The following NAE1 variants were observed in gnomAD, a reference collection of about 807,000 sequenced individuals.
The protein encoded by NAE1 is NEDD8 activating enzyme E1 subunit 1.
NAE1 carries 59 observed loss-of-function variants against 88.0 expected under a neutral mutation model. The ratio of observed to expected loss-of-function variants is 0.67; its 90% CI spans 0.54 to 0.83. The LOEUF (loss-of-function observed/expected upper bound fraction) is 0.83. Among genes scored for constraint, NAE1 ranks in the 40% least tolerant of loss-of-function variants. NAE1 has a pLI of 0.00. For missense variants in NAE1, 554 were observed against 632.8 expected, an observed-to-expected ratio of 0.88 and a Z score of 1.34; for synonymous variants, 186 against 208.9, an observed-to-expected ratio of 0.89 and a Z score of 0.95.
chr16:66,811,001 C>T (rs1346967414), intron 13 of NAE1, among the ~76,000 whole-genome samples: 1 of 152,160 alleles, frequency 6.6e-6, no homozygotes, highest in East Asian at 1.9e-4. Context: ...GTCCCTCTAA[C>T]AGCACCCAAC....
chr16:66,809,187 A>T (rs1016621588), intron 15 of NAE1, 112 bp from the exon 16 acceptor site: 1 of 649,092 alleles, frequency 1.5e-6, no homozygotes, highest in Non-Finnish European at 2.5e-6. Flanking sequence ...AGACATGAGA[A>T]TGTGAAGAAA....
In NAE1 at chr16:66,806,011, T is replaced by C; in HGVS notation, c.1346A>G (p.Gln449Arg). 6.2e-7 allele frequency: 1 copy of C among 1,610,252 alleles called. No homozygotes were observed. Among genetic ancestry groups the C allele is most frequent in the East Asian group, 2.2e-5 (1 of 44,784 alleles). The stretch of plus-strand genomic sequence containing the variant: ...CAACTTTCCTATATCTTCTTCAACT[T>C]GATAGTTAGATACTCCTAAAAATAA... ...QGRYPGVSNY[Q>R]VEEDIGKLKS... Residue 449 changes from glutamine (Q) to arginine (R), a missense_variant, in exon 18 of 20, where the codon CAA becomes CGA. Gln to Arg is a conservative substitution (Grantham distance 43). Coordinates refer to ENST00000290810, the MANE Select transcript of NAE1 (RefSeq NM_003905.4).
intron 17 of NAE1, 95 bp from the exon 18 acceptor site, chr16:66,806,121 A>G (rs1030364411): frequency 8.9e-6 from 12 of 1,355,462 alleles, no homozygotes; most frequent in Non-Finnish European, 1.1e-5. Flanking sequence ...TCTAGTCAAA[A>G]TATGTATGAA....
chr16:66,810,831 T>C lies in NAE1; in HGVS notation c.1035-59A>G, dbSNP rs552605906. On this transcript the variant is annotated intron_variant, in intron 13 of 19. Coordinates refer to ENST00000290810, the MANE Select transcript of NAE1 (RefSeq NM_003905.4). ...TTTTAAATTAGCAAAATTTAAATTG[T>C]TACCATGAACAAAAATTTTCTTTCC... The C allele has an allele frequency of 8.7e-6, 13 of 1,500,280 alleles. No individual in the cohort carries two copies. In the African/African-American group the frequency reaches 1.6e-4, roughly 19 times the overall value. 92.9% of individuals were successfully genotyped at this position (1,500,280 alleles called of 1,614,324 possible).
intron 7 of NAE1, among the ~76,000 whole-genome samples, chr16:66,818,865 T>C (rs2145336568): frequency 6.6e-6 from 1 of 152,196 alleles, no homozygotes; most frequent in South Asian, 2.1e-4. Flanking sequence ...GGTCTCACTA[T>C]GTCACCCAGG....
intron 11 of NAE1, 68 bp from the exon 12 acceptor site, chr16:66,813,914 T>C: frequency 1.4e-6 from 2 of 1,396,102 alleles, no homozygotes; most frequent in Non-Finnish European, 2.0e-6. Context: ...TTTTCAGTGC[T>C]ATTTCTTCAG....
chr16:66,829,044 T>C (rs3026089), intron 1 of NAE1, among the ~76,000 whole-genome samples: 10,361 of 151,472 alleles, frequency 0.068, 772 homozygotes, highest in African/African-American at 0.19. Flanking sequence ...GTTTCAAGAA[T>C]AGGCCAAATG....
At chr16:66,827,836 T>A in intron 1 of NAE1, 1 of 657,772 alleles carries the variant, frequency 1.5e-6, no homozygotes, top group Non-Finnish European at 2.6e-6. Context: ...CCAGAGCATG[T>A]CAAGCAACTG....
At chr16:66,809,860 G>A (rs1173925122) in intron 15 of NAE1, among the ~76,000 whole-genome samples, 2 of 152,104 alleles carry the variant, frequency 1.3e-5, no homozygotes, top group Non-Finnish European at 2.9e-5. Flanking sequence ...TGGGTATTTT[G>A]AAACTGACTC....
chr16:66,804,177 T>G (rs1311689199), intron 19 of NAE1, among the ~76,000 whole-genome samples: 2 of 150,274 alleles, frequency 1.3e-5, no homozygotes, highest in Non-Finnish European at 3.0e-5. Context: ...GAATAAAACC[T>G]GAAGGAAGTG....
At chr16:66,821,417 C>A (rs1408825666) in intron 7 of NAE1, 33 bp downstream of exon 7, 1 of 1,492,026 alleles carries the variant, frequency 6.7e-7, no homozygotes, top group Non-Finnish European at 8.9e-7. Flanking sequence ...GCTAAAGCAA[C>A]CAATAGTAAG....
Position 66,802,886 on chromosome 16 carries a change from G to A in NAE1, c.*123C>T. On this transcript the variant is annotated 3_prime_UTR_variant, in exon 20 of 20. Transcript: ENST00000290810. ...AGAACAAGACTACATTATTACAAAT[G>A]AGAAAAATGTTTATTAAGAAAACAA... 1.5e-6 allele frequency: 1 copy of A among 670,614 alleles called. No homozygotes were observed. The allele number at this position is 670,614 out of a possible 1,614,324, so 41.5% of individuals were successfully genotyped here. A position where few individuals can be genotyped will look rare whatever the true frequency, so the allele number is the denominator to read the frequency against.
rs750906723 is a variant in NAE1, at chr16:66,810,410, G to A, written c.1114C>T (p.Pro372Ser). 3.7e-6 allele frequency: 6 copies of A among 1,601,536 alleles called. No homozygotes were observed. Among genetic ancestry groups the A allele is most frequent in the Non-Finnish European group, 1.7e-6 (2 of 1,170,546 alleles). Residue 372 changes from proline (P) to serine (S), a missense_variant, in exon 15 of 20, where the codon CCA becomes TCA. Transcript: ENST00000290810. ...AATTCTTTCTCTGAAATGGACTCTG[G>A]TGCCTGTAAAGAGATAAATACAGAT... is the stretch of plus-strand genomic sequence containing the variant. ...AKLLQSIGQA[P>S]ESISEKELKL... is the part of the protein sequence containing the mutation.
chr16:66,823,433 A>G, intron 5 of NAE1, 96 bp downstream of exon 5: 1 of 1,332,686 alleles, frequency 7.5e-7, no homozygotes, highest in South Asian at 1.3e-5. Flanking sequence ...CTAATCATAA[A>G]TGACACAAAG....
chr16:66,807,495 C>T (rs1025230227), intron 17 of NAE1, among the ~76,000 whole-genome samples: 1 of 152,038 alleles, frequency 6.6e-6, no homozygotes, highest in Non-Finnish European at 1.5e-5. Flanking sequence ...CAAAAATTAG[C>T]TGGGCGAGGT....
intron 4 of NAE1, 94 bp from the exon 5 acceptor site, chr16:66,823,694 T>C: frequency 1.1e-6 from 1 of 947,292 alleles, no homozygotes; most frequent in Middle Eastern, 2.2e-4. Context: ...ACTGTAAAAC[T>C]ATCCAAATTT....
At chr16:66,816,344 T>A (rs915437978) in intron 11 of NAE1, among the ~76,000 whole-genome samples, 1 of 152,068 alleles carries the variant, frequency 6.6e-6, no homozygotes, top group Non-Finnish European at 1.5e-5. Context: ...TTTGTATTTT[T>A]AGTAGAGACG....
chr16:66,819,371 C>G (rs751684767), intron 7 of NAE1, among the ~76,000 whole-genome samples: 13 of 152,214 alleles, frequency 8.5e-5, no homozygotes, highest in Non-Finnish European at 1.9e-4. Context: ...CCTAATCTCA[C>G]TCTGTACACT....
At chr16:66,811,154 A>G (rs112939412) in intron 13 of NAE1, among the ~76,000 whole-genome samples, 1 of 152,146 alleles carries the variant, frequency 6.6e-6, no homozygotes, top group Non-Finnish European at 1.5e-5. Context: ...TTCATCTCCA[A>G]TGTAAAACTT....
Sources: gnomAD v4.1 joint callset for allele counts (sites outside exome capture counted in the v4.1 genomes callset) on GRCh38, gnomAD v4.1.1 for gene constraint, MANE v1.5 for transcripts, NCBI Gene and HGNC (gene_info 2026-07-23, HGNC 2026-07-21) for gene names.